The following AXIN1 variants were observed in gnomAD, a reference collection of about 807,000 sequenced individuals.
AXIN1 encodes axin-1.
In AXIN1, 30 loss-of-function variants were observed where a neutral mutation model predicts 76.4. That is an observed-to-expected ratio of 0.39 (90% CI 0.29 to 0.53). The LOEUF is 0.53. Among genes scored for constraint, AXIN1 ranks in the 20% least tolerant of loss-of-function variants. The pLI is 0.66. For missense variants in AXIN1, 1,140 were observed against 1,198.8 expected, an observed-to-expected ratio of 0.95 and a Z score of 0.72; for synonymous variants, 545 against 501.4, an observed-to-expected ratio of 1.09 and a Z score of -1.16.
chr16:288,279 C>A (rs2052443443), intron 10 of AXIN1, 31 bp from the exon 11 acceptor site: 1 of 1,613,012 alleles, frequency 6.2e-7, no homozygotes, highest in Non-Finnish European at 8.5e-7. Flanking sequence ...GGGCAGTGAG[C>A]AGGCAGCACC....
Position 304,319 on chromosome 16 carries a change from C to T in AXIN1, c.1239G>A (p.Leu413=), listed in dbSNP as rs1314463677. 1 of 1,612,186 alleles carries T rather than the reference C, an allele frequency of 6.2e-7. No individual in the cohort carries two copies. Among genetic ancestry groups the T allele is most frequent in the Admixed American group, 1.7e-5 (1 of 60,006 alleles). ...GCCCACTCACCATGCGCACGCGCTTCAGCCGCTCCTCCAGCTTCTCCTCGG... is the reference window on the plus strand; with the variant it reads ...GCCCACTCACCATGCGCACGCGCTTTAGCCGCTCCTCCAGCTTCTCCTCGG... The part of the protein sequence containing the change: ...REAEEKLEER[L]KRVRMEEEGE... Residue 413 remains leucine, a synonymous_variant, in exon 5 of 11, where the codon CTG becomes CTA. Coordinates refer to ENST00000262320, the MANE Select transcript of AXIN1 (RefSeq NM_003502.4).
In AXIN1 at chr16:287,969, C is replaced by A. The variant is rs1329229363; in HGVS notation, c.*153G>T. The stretch of plus-strand genomic sequence containing the variant: ...CTTGTGGACCACTTGGAGGGACCCC[C>A]TACCTGCCTCTAGACACGGGTAGAC... On this transcript the variant is annotated 3_prime_UTR_variant, in exon 11 of 11. Coordinates refer to ENST00000262320, the MANE Select transcript of AXIN1 (RefSeq NM_003502.4). 8 of 1,330,556 alleles carry A rather than the reference C, an allele frequency of 6.0e-6. No individual in the cohort carries two copies. In the East Asian group the frequency reaches 1.6e-4, roughly 27 times the overall value. The allele number at this position is 1,330,556 out of a possible 1,614,324, so 82.4% of individuals were successfully genotyped here.
At chr16:322,661 C>T (rs1191280248) in intron 2 of AXIN1, among the ~76,000 whole-genome samples, 1 of 152,238 alleles carries the variant, frequency 6.6e-6, no homozygotes, top group East Asian at 1.9e-4. Flanking sequence ...CTCCAGCCAC[C>T]TGAGTCCCAC....
At chr16:351,748 AT>A (rs780321802) in intron 1 of AXIN1, among the ~76,000 whole-genome samples, 9,069 of 150,896 alleles carry the variant, frequency 0.06, 292 homozygotes, top group Middle Eastern at 0.075. Context: ...TCTACAAAAA[AT>A]ATATATATAT....
Position 293,362 on chromosome 16 carries a change from G to A in AXIN1, c.2186+126C>T, listed in dbSNP as rs1198174687. ...GGTTCTCAGTGGATGGAAGGGCCCA[G>A]TATGGCTGGGGGACACCCAGAGGGC... On this transcript the variant is annotated intron_variant, in intron 8 of 10. Coordinates refer to ENST00000262320, the MANE Select transcript of AXIN1 (RefSeq NM_003502.4). This position sits in a 1 kb window ranked among gnomAD's most constrained non-coding sequence, Gnocchi z 4.6. 5.2e-6 allele frequency: 5 copies of A among 957,150 alleles called. No individual in the cohort carries two copies. Among genetic ancestry groups the A allele is most frequent in the African/African-American group, 1.6e-5 (1 of 61,498 alleles). 59.3% of individuals were successfully genotyped at this position (957,150 alleles called of 1,614,324 possible).
At chr16:347,640 G>A (rs951414666) in intron 1 of AXIN1, among the ~76,000 whole-genome samples, 4 of 152,130 alleles carry the variant, frequency 2.6e-5, no homozygotes, top group East Asian at 1.9e-4. Context: ...CCAGGCCCAC[G>A]GCCACTGTTT....
rs183573767 is a variant in AXIN1 at position 352,397 on chromosome 16, C to T, written c.-110G>A. 151,382 of 957,868 alleles carry T rather than the reference C, an allele frequency of 0.16. 12,440 individuals are homozygous for T. The highest frequency in any genetic ancestry group is 0.25 in the South Asian group (5,066 of 20,648). 59.3% of individuals were successfully genotyped at this position (957,868 alleles called of 1,614,324 possible). On this transcript the variant is annotated 5_prime_UTR_variant, in exon 1 of 11. Coordinates refer to ENST00000262320, the MANE Select transcript of AXIN1 (RefSeq NM_003502.4). ...CGCGCGGTGGTGGCGGGACCCCGGG[C>T]CCGGCTCCCGGAGCGGCGCGGCGCG... is the stretch of plus-strand genomic sequence containing the variant.
intron 2 of AXIN1, among the ~76,000 whole-genome samples, chr16:339,757 A>G (rs2053878917): frequency 6.6e-6 from 1 of 151,514 alleles, no homozygotes; most frequent in Admixed American, 6.6e-5. Context: ...AACCCCCCAC[A>G]CCCAGGCAAG....
chr16:299,083 G>A (rs2052797657), intron 5 of AXIN1: 1 of 985,274 alleles, frequency 1.0e-6, no homozygotes, highest in Non-Finnish European at 1.2e-6. Context: ...TATATTTTAA[G>A]GAGAACCTTG....
chr16:331,293 A>C (rs947833077), intron 2 of AXIN1, among the ~76,000 whole-genome samples: 6 of 152,202 alleles, frequency 3.9e-5, no homozygotes, highest in Admixed American at 2.6e-4. Flanking sequence ...CCCTTGAAGT[A>C]ATTTAGAAAC....
At position 288,543 on chromosome 16, in the gene AXIN1, TGGG is replaced by T. The variant is rs45513601; in HGVS notation, c.2463-298_2463-296del. Among the ~76,000 whole-genome samples, 668 of 152,292 alleles carry T rather than the reference TGGG, an allele frequency of 4.4e-3. 6 individuals carry two copies. The highest frequency in any genetic ancestry group is 0.015 in the African/African-American group (631 of 41,562). On this transcript the variant is annotated intron_variant, in intron 10 of 10. Coordinates refer to ENST00000262320, the MANE Select transcript of AXIN1 (RefSeq NM_003502.4). ...GTTGCAGGGGGGAAGTGGACGGGTG[TGGG>T]GTGTCTGCTTCCCAAGGGCTGAGCC...
intron 3 of AXIN1, among the ~76,000 whole-genome samples, chr16:313,357 T>A (rs1268106249): frequency 6.6e-6 from 1 of 152,174 alleles, no homozygotes; most frequent in African/African-American, 2.4e-5. Flanking sequence ...TAAAACATAT[T>A]CATAAAAAGA....
At chr16:340,388 A>T (rs1243576943) in intron 2 of AXIN1, among the ~76,000 whole-genome samples, 2 of 152,226 alleles carry the variant, frequency 1.3e-5, no homozygotes, top group Admixed American at 6.5e-5. Context: ...GTCATCAAGG[A>T]AGGTCAGGGC....
intron 2 of AXIN1, among the ~76,000 whole-genome samples, chr16:323,218 T>C (rs372125244): frequency 6.6e-6 from 1 of 151,678 alleles, no homozygotes; most frequent in East Asian, 1.9e-4. Flanking sequence ...CGCAGGCATA[T>C]CACGAGGTCA....
chr16:292,641 G>A, intron 8 of AXIN1: 1 of 152,350 alleles, frequency 6.6e-6, no homozygotes, highest in East Asian at 1.9e-4. Context: ...CCCAGGGCCT[G>A]GGTGAGCTAT....
At chr16:310,388 T>C (rs924516087) in intron 3 of AXIN1, among the ~76,000 whole-genome samples, 3 of 152,168 alleles carry the variant, frequency 2.0e-5, no homozygotes, top group Non-Finnish European at 4.4e-5. Context: ...AAGAGTGGTT[T>C]CTACATTTTT....
At chr16:342,796 G>A (rs1028227423) in intron 2 of AXIN1, among the ~76,000 whole-genome samples, 5 of 152,222 alleles carry the variant, frequency 3.3e-5, no homozygotes, top group African/African-American at 1.2e-4. Context: ...CAAAGCCCAC[G>A]AAGTCGCCCA....
intron 7 of AXIN1, among the ~76,000 whole-genome samples, chr16:296,007 T>C (rs1567263643): frequency 6.6e-6 from 1 of 152,170 alleles, no homozygotes; most frequent in East Asian, 1.9e-4. Context: ...GGCTCATGCC[T>C]GTAGTCCCAG....
At chr16:336,620 CA>C (rs1363047381) in intron 2 of AXIN1, among the ~76,000 whole-genome samples, 1 of 151,822 alleles carries the variant, frequency 6.6e-6, no homozygotes, top group Non-Finnish European at 1.5e-5. Flanking sequence ...AGTCCAAGAC[CA>C]GTCTGGCCAA....
Sources: gnomAD v4.1 joint callset for allele counts (sites outside exome capture counted in the v4.1 genomes callset) on GRCh38, gnomAD v4.1.1 for gene constraint, Gnocchi (gnomAD v3.1) non-coding constraint, MANE v1.5 for transcripts, NCBI Gene and HGNC (gene_info 2026-07-23, HGNC 2026-07-21) for gene names.